Variants in GALNT13 observed in about 807,000 individuals in gnomAD.
GALNT13 encodes the protein UDP-GalNAc:polypeptide N-acetylgalactosaminyltransferase 13.
GALNT13 carries 28 observed loss-of-function variants against 64.2 expected under a neutral mutation model. That is an observed-to-expected ratio of 0.44 (90% CI 0.32 to 0.60). The LOEUF (loss-of-function observed/expected upper bound fraction) is 0.60. Among genes scored for constraint, GALNT13 ranks in the 20% least tolerant of loss-of-function variants. The pLI, the probability that GALNT13 is intolerant of heterozygous loss-of-function variation, is 0.05. For synonymous variants in GALNT13, 214 were observed against 224.6 expected, an observed-to-expected ratio of 0.95 and a Z score of 0.42; for missense variants, 577 against 669.8, an observed-to-expected ratio of 0.86 and a Z score of 1.53.
the GALNT13 span, among the ~76,000 whole-genome samples, chr2:153,693,677 G>A: frequency 5.9e-5 from 9 of 152,162 alleles, no homozygotes; most frequent in Admixed American, 2.6e-4. Flanking sequence ...GAGAGAGTAC[G>A]TGATGAGCCA....
the GALNT13 span, among the ~76,000 whole-genome samples, chr2:153,296,132 T>C: frequency 1.3e-5 from 2 of 152,176 alleles, no homozygotes; most frequent in African/African-American, 4.8e-5. Flanking sequence ...TTCAGTCTGC[T>C]ACACAAAACT....
Position 154,361,762 on chromosome 2 carries a change from C to A in GALNT13, c.1157-34229C>A, listed in dbSNP as rs148236929. ...GGGCCTTTGAATGTCAAAAACTAGG[C>A]CTGTGTCATTCTAATAAGCATGATT... is the stretch of plus-strand genomic sequence containing the variant. On this transcript the variant is annotated intron_variant, in intron 9 of 12. Coordinates refer to ENST00000392825, the MANE Select transcript of GALNT13 (RefSeq NM_052917.4). Among the ~76,000 whole-genome samples the A allele has an allele frequency of 1.3e-4, 20 of 152,144 alleles. No homozygotes were observed. The East Asian group carries it at 3.7e-3, about 28-fold the overall frequency.
chr2:153,636,561 T>C, the GALNT13 span, among the ~76,000 whole-genome samples: 1 of 152,080 alleles, frequency 6.6e-6, no homozygotes, highest in African/African-American at 2.4e-5. Flanking sequence ...AAAGACCTTG[T>C]TAGATAAAAT....
At chr2:154,012,627 G>A (rs1361913409) in intron 3 of GALNT13, among the ~76,000 whole-genome samples, 3 of 152,142 alleles carry the variant, frequency 2.0e-5, no homozygotes, top group Admixed American at 6.5e-5. Context: ...GGACATGAGA[G>A]AAATTTTTGT....
chr2:154,019,653 CAAAA>C (rs1238397499), intron 3 of GALNT13, among the ~76,000 whole-genome samples: 12 of 115,126 alleles, frequency 1.0e-4, no homozygotes, highest in Admixed American at 1.7e-4. Flanking sequence ...CACACACACA[CAAAA>C]GCAAGAAAAA....
chr2:153,147,756 T>G, the GALNT13 span, among the ~76,000 whole-genome samples: 1 of 151,818 alleles, frequency 6.6e-6, no homozygotes, highest in Non-Finnish European at 1.5e-5. Flanking sequence ...GGTTGAAAAC[T>G]GGGTCCTTGA....
chr2:153,717,564 C>T, the GALNT13 span, among the ~76,000 whole-genome samples: 325 of 152,222 alleles, frequency 2.1e-3, 2 homozygotes, highest in African/African-American at 7.7e-3. Context: ...ATTATGTCAA[C>T]GTTATTGCTT....
At chr2:153,143,695 G>C in the GALNT13 span, among the ~76,000 whole-genome samples, 1 of 152,014 alleles carries the variant, frequency 6.6e-6, no homozygotes, top group Admixed American at 6.6e-5. Context: ...AATGTTACTA[G>C]TTGAAGTCTC....
chr2:153,566,204 T>C, the GALNT13 span, among the ~76,000 whole-genome samples: 1 of 152,286 alleles, frequency 6.6e-6, no homozygotes, highest in East Asian at 1.9e-4. Context: ...ATTCTGGAGC[T>C]CTTATGATAT....
At chr2:154,032,864 CT>C (rs70981694) in intron 3 of GALNT13, among the ~76,000 whole-genome samples, 206 of 110,070 alleles carry the variant, frequency 1.9e-3, no homozygotes, top group Middle Eastern at 6.7e-3. Context: ...CCTACATTTC[CT>C]TTTTTTTTTT....
chr2:153,078,153 T>A, the GALNT13 span, among the ~76,000 whole-genome samples: 4 of 152,082 alleles, frequency 2.6e-5, no homozygotes, highest in Non-Finnish European at 5.9e-5. Context: ...TTTTTTAACT[T>A]GTGAGTGTAT....
At chr2:153,266,342 T>C in the GALNT13 span, among the ~76,000 whole-genome samples, 126,494 of 152,212 alleles carry the variant, frequency 0.83, 53,817 homozygotes, top group African/African-American at 0.93. Context: ...GTATCAACTA[T>C]GTTATTTCAT....
the GALNT13 span, among the ~76,000 whole-genome samples, chr2:153,177,977 G>A: frequency 0.019 from 2,918 of 152,092 alleles, 33 homozygotes; most frequent in Middle Eastern, 0.027. Context: ...TTGTTTTTCC[G>A]TGACTGACTT....
chr2:153,850,005 CAAAAAAAAAAAA>C, the GALNT13 span, among the ~76,000 whole-genome samples: 44 of 84,692 alleles, frequency 5.2e-4, no homozygotes, highest in East Asian at 0.012. Flanking sequence ...ACTAAAAATA[CAAAAAAAAAAAA>C]AAAAAAAAAA....
intron 3 of GALNT13, among the ~76,000 whole-genome samples, chr2:154,068,746 A>T (rs1427763298): frequency 6.6e-6 from 1 of 152,128 alleles, no homozygotes; most frequent in Admixed American, 6.6e-5. Context: ...GCTGGTGGGA[A>T]GTGGAGATGA....
the GALNT13 span, among the ~76,000 whole-genome samples, chr2:153,803,155 T>C: frequency 2.3e-3 from 349 of 152,336 alleles, 1 homozygote; most frequent in African/African-American, 7.1e-3. Flanking sequence ...GACCACAGTC[T>C]ATGAGCCTCA....
chr2:153,534,809 T>C, the GALNT13 span, among the ~76,000 whole-genome samples: 2 of 152,006 alleles, frequency 1.3e-5, no homozygotes, highest in African/African-American at 4.8e-5. Flanking sequence ...TACACTTCTT[T>C]TGTGGTGGAA....
chr2:154,095,437 A>G (rs1452646627), intron 3 of GALNT13, among the ~76,000 whole-genome samples: 1 of 151,928 alleles, frequency 6.6e-6, no homozygotes, highest in African/African-American at 2.4e-5. Context: ...TTGCAACCCT[A>G]CACATTTTCA....
the GALNT13 span, among the ~76,000 whole-genome samples, chr2:153,621,443 C>T: frequency 6.6e-6 from 1 of 152,256 alleles, no homozygotes. Context: ...GCTGTAACCA[C>T]TCCCTGGCTA....
Sources: gnomAD v4.1 joint callset for allele counts (sites outside exome capture counted in the v4.1 genomes callset) on GRCh38, gnomAD v4.1.1 for gene constraint, MANE v1.5 for transcripts, NCBI Gene and HGNC (gene_info 2026-07-23, HGNC 2026-07-21) for gene names.